Variants in YIF1B observed in about 807,000 individuals in gnomAD.
YIF1B encodes the protein protein YIF1B.
Under a neutral mutation model 34.6 loss-of-function variants are expected in YIF1B, and 24 were observed. That is an observed-to-expected ratio of 0.69 (90% confidence interval 0.50 to 0.98). The LOEUF is 0.98. Ranked by LOEUF, YIF1B falls within the 50% of genes least tolerant of loss-of-function variation. YIF1B has a pLI of 0.00. For synonymous variants in YIF1B, 186 were observed against 184.8 expected (o/e 1.01, Z -0.05); for missense variants, 368 against 429.4 (o/e 0.86, Z 1.26).
intron 7 of YIF1B, chr19:38,306,855 G>T: frequency 2.5e-6 from 1 of 393,094 alleles, no homozygotes. Flanking sequence ...CTAATTTTTT[G>T]TATTTTTAGT....
upstream of YIF1B, among the ~76,000 whole-genome samples, chr19:38,321,136 G>A (rs1016565644): frequency 2.0e-5 from 3 of 152,096 alleles, no homozygotes; most frequent in Non-Finnish European, 2.9e-5. Flanking sequence ...TGACCCTGGC[G>A]CCTTAGCGAG....
At chr19:38,318,193 CAAAAAAA>C (rs35748833), upstream of YIF1B, among the ~76,000 whole-genome samples, 595 of 29,872 alleles carry the variant, frequency 0.02, 8 homozygotes, top group African/African-American at 0.06. Flanking sequence ...ACTCTTGTCT[CAAAAAAA>C]AAAAAAAAAA....
chr19:38,320,269 G>T (rs1181320302), upstream of YIF1B: 1 of 1,605,742 alleles, frequency 6.2e-7, no homozygotes, highest in South Asian at 1.1e-5. Context: ...GATCACCACC[G>T]TGGGTACGTA....
At chr19:38,319,723 G>A (rs2145035775), upstream of YIF1B, 1 of 490,926 alleles carries the variant, frequency 2.0e-6, no homozygotes, top group South Asian at 3.5e-5. Flanking sequence ...GGGAGCACTG[G>A]GCTCCACCCT....
In YIF1B at chr19:38,309,653, AAG is replaced by A; in HGVS notation, c.59-12_59-11del. 1.3e-6 allele frequency: 2 copies of A among 1,593,788 alleles called. No individual in the cohort carries two copies. The highest frequency in any genetic ancestry group is 1.7e-6 in the Non-Finnish European group (2 of 1,172,876). The stretch of plus-strand genomic sequence containing the variant: ...ATCCTCCGCTTCGAGGCTGCAAGGG[AAG>A]AGAGTGAGAAGGAGCTGGGGACCCA... On this transcript the variant is annotated splice_polypyrimidine_tract_variant and intron_variant, in intron 1 of 7. Transcript: ENST00000339413.
upstream of YIF1B, chr19:38,319,940 C>A: frequency 2.1e-6 from 3 of 1,420,790 alleles, no homozygotes; most frequent in Non-Finnish European, 2.7e-6. Context: ...CGCGGGGTCC[C>A]GGTGGGTGCC....
Position 38,309,549 on chromosome 19 carries a change from C to T in YIF1B, c.153G>A (p.Gly51=), listed in dbSNP as rs1012270249. ...TCAGGCCACCAGGTGCCCGCTGGGC[C>T]CCATAGCCCCGGCTCTGGGCTGAAC... ...DTSSAQSRGY[G]AQRAPGGLSY... is the part of the protein sequence containing the mutation. Residue 51 remains glycine (G), a synonymous_variant, in exon 2 of 8, where the codon GGG becomes GGA. Coordinates refer to ENST00000339413, the MANE Select transcript of YIF1B (RefSeq NM_001039672.3). 4 of 1,602,484 alleles carry T rather than the reference C, an allele frequency of 2.5e-6. No individual in the cohort carries two copies. The African/African-American group carries it at 5.3e-5, about 21-fold the overall frequency.
upstream of YIF1B, among the ~76,000 whole-genome samples, chr19:38,316,437 C>G (rs1386487402): frequency 2.6e-5 from 4 of 152,054 alleles, no homozygotes; most frequent in Non-Finnish European, 5.9e-5. Context: ...TCGCTTGAGC[C>G]CAGGAGTTCG....
chr19:38,319,801 G>GC, upstream of YIF1B: 1 of 801,196 alleles, frequency 1.2e-6, no homozygotes, highest in Non-Finnish European at 1.8e-6. Context: ...CTCCGTCGCC[G>GC]CCCCCCACCT....
intron 1 of YIF1B, among the ~76,000 whole-genome samples, chr19:38,312,238 T>C (rs916557176): frequency 2.0e-5 from 3 of 151,918 alleles, no homozygotes; most frequent in Admixed American, 6.6e-5. Context: ...CTGGCCAACA[T>C]AGTGAAACCC....
chr19:38,318,764 C>T (rs906502098), upstream of YIF1B, among the ~76,000 whole-genome samples: 4 of 152,210 alleles, frequency 2.6e-5, no homozygotes, highest in African/African-American at 4.8e-5. Context: ...AGCTGAGCCC[C>T]AAGCCCCACT....
chr19:38,320,134 T>C, upstream of YIF1B: 4 of 1,591,070 alleles, frequency 2.5e-6, no homozygotes, highest in Non-Finnish European at 3.4e-6. Flanking sequence ...CCTGGACGCC[T>C]TCGTGGAGCG....
chr19:38,307,779 G>A, intron 5 of YIF1B, 27 bp from the exon 6 acceptor site: 1 of 1,609,794 alleles, frequency 6.2e-7, no homozygotes, highest in Non-Finnish European at 8.5e-7. Context: ...CCGCCACTTG[G>A]TTGGCTGGTT....
rs1021815947 is a variant in YIF1B at position 38,304,186 on chromosome 19, A to C, written c.*1166T>G. The C allele has an allele frequency of 2.2e-5, 35 of 1,574,120 alleles. No homozygotes were observed. The Admixed American group carries it at 5.8e-4, about 26-fold the overall frequency. ...AGCATTCCTCCAACGGGCAGGTCTC[A>C]GCGCTCCTCCCCCTGCTCCGCTCCT... is the stretch of plus-strand genomic sequence containing the variant. On this transcript the variant is annotated 3_prime_UTR_variant, in exon 8 of 8. Transcript: ENST00000339413.
chr19:38,316,209 C>G (rs1272536909), upstream of YIF1B, among the ~76,000 whole-genome samples: 1 of 152,226 alleles, frequency 6.6e-6, no homozygotes, highest in Non-Finnish European at 1.5e-5. Flanking sequence ...TCTGCCACGA[C>G]AGAAAATGAG....
upstream of YIF1B, among the ~76,000 whole-genome samples, chr19:38,318,193 CAAAAAAAAAAA>C (rs35748833): frequency 3.3e-5 from 1 of 29,874 alleles, no homozygotes; most frequent in East Asian, 7.7e-4. Flanking sequence ...ACTCTTGTCT[CAAAAAAAAAAA>C]AAAAAAAAAA....
chr19:38,316,049 C>T (rs1969538604), upstream of YIF1B: 10 of 1,278,348 alleles, frequency 7.8e-6, no homozygotes, highest in South Asian at 1.3e-4. Flanking sequence ...CCCCCGACCC[C>T]TCCAGCCCCC....
At chr19:38,305,844 C>G (rs898610340) in intron 7 of YIF1B, among the ~76,000 whole-genome samples, 1 of 152,202 alleles carries the variant, frequency 6.6e-6, no homozygotes, top group Non-Finnish European at 1.5e-5. Flanking sequence ...TGCTGCCCCC[C>G]CTTATGCTGG....
intron 1 of YIF1B, among the ~76,000 whole-genome samples, chr19:38,310,189 C>CATCA (rs1969267439): frequency 6.7e-6 from 1 of 148,946 alleles, no homozygotes; most frequent in Non-Finnish European, 1.5e-5. Flanking sequence ...TCCATCCACC[C>CATCA]ATCCATCCAT....
Sources: gnomAD v4.1 joint callset for allele counts (sites outside exome capture counted in the v4.1 genomes callset) on GRCh38, gnomAD v4.1.1 for gene constraint, MANE v1.5 for transcripts, NCBI Gene and HGNC (gene_info 2026-07-23, HGNC 2026-07-21) for gene names.